The following DPF3 variants were observed in gnomAD, a reference collection of about 807,000 sequenced individuals.
DPF3 encodes the protein zinc finger protein DPF3.
In DPF3, 18 loss-of-function variants were observed where a neutral mutation model predicts 56.8. The observed-to-expected ratio is 0.32, with a 90% CI of 0.22 to 0.47. The LOEUF (loss-of-function observed/expected upper bound fraction) is 0.47. Ranked by LOEUF, DPF3 falls within the 20% of genes least tolerant of loss-of-function variation. DPF3 has a pLI of 1.00. For synonymous variants in DPF3, 188 were observed against 180.2 expected (o/e 1.04, Z -0.35); for missense variants, 403 against 488.8 (o/e 0.82, Z 1.65).
intron 1 of DPF3, among the ~76,000 whole-genome samples, chr14:72,862,196 A>C (rs1599504403): frequency 6.6e-6 from 1 of 152,142 alleles, no homozygotes; most frequent in South Asian, 2.1e-4. Context: ...CCCACTGGAC[A>C]GTTCCCTAAC....
chr14:72,862,974 T>C (rs1885495196), intron 1 of DPF3, among the ~76,000 whole-genome samples: 1 of 151,792 alleles, frequency 6.6e-6, no homozygotes, highest in Non-Finnish European at 1.5e-5. Flanking sequence ...TGAATTAAAT[T>C]AATCCTAGGA....
intron 8 of DPF3, among the ~76,000 whole-genome samples, chr14:72,665,791 A>C (rs1203543392): frequency 6.6e-6 from 1 of 152,206 alleles, no homozygotes; most frequent in Non-Finnish European, 1.5e-5. Flanking sequence ...CATCGATGTG[A>C]ATTTCCTGAT....
At chr14:72,622,402 T>A (rs1375136079) in intron 9 of DPF3, among the ~76,000 whole-genome samples, 1 of 152,126 alleles carries the variant, frequency 6.6e-6, no homozygotes, top group African/African-American at 2.4e-5. Flanking sequence ...AGAGCCAGCA[T>A]AAGCTACAGG....
chr14:72,706,703 T>A (rs1217786906), intron 6 of DPF3, among the ~76,000 whole-genome samples: 1 of 152,136 alleles, frequency 6.6e-6, no homozygotes, highest in East Asian at 1.9e-4. Flanking sequence ...CTCCCCACCA[T>A]GACTCAAAAT....
chr14:72,809,731 A>G (rs1882953748), intron 1 of DPF3, among the ~76,000 whole-genome samples: 1 of 152,148 alleles, frequency 6.6e-6, no homozygotes, highest in African/African-American at 2.4e-5. Flanking sequence ...ATGATTCCAT[A>G]GATCAGGAGG....
At chr14:72,692,096 C>T (rs1023566158) in intron 7 of DPF3, among the ~76,000 whole-genome samples, 1 of 152,206 alleles carries the variant, frequency 6.6e-6, no homozygotes, top group Non-Finnish European at 1.5e-5. Flanking sequence ...GGCCAGTGGA[C>T]ATCAGTTGAC....
intron 1 of DPF3, among the ~76,000 whole-genome samples, chr14:72,887,582 G>A (rs1351761021): frequency 6.6e-6 from 1 of 152,230 alleles, no homozygotes; most frequent in East Asian, 1.9e-4. Context: ...GCCCCTAGCT[G>A]TCCTCTCTGT....
At position 72,705,578 on chromosome 14, in the gene DPF3, CT is replaced by C. The variant is rs371301032; in HGVS notation, c.604+8844del. On this transcript the variant is annotated intron_variant, in intron 6 of 10. Transcript: ENST00000556509. ...ACTTGGGTACTGTGGCTCTAAGCAC[CT>C]CAGCCTGATGTTCCCAGCAACCCTG... 7.5e-4 allele frequency among the ~76,000 whole-genome samples: 114 copies of C among 152,258 alleles called. 1 individual carries two copies. The highest frequency in any genetic ancestry group is 2.6e-3 in the African/African-American group (108 of 41,544).
At position 72,889,985 on chromosome 14, in the gene DPF3, TTAA is replaced by T. The variant is rs577956335; in HGVS notation, c.32+4069_32+4071del. Among the ~76,000 whole-genome samples, 33 of 152,316 alleles carry T rather than the reference TTAA, an allele frequency of 2.2e-4. No homozygotes were observed. In the East Asian group the frequency reaches 4.2e-3, roughly 20 times the overall value. ...AAAGCCCTGTTGGTTCATATGGAAT[TTAA>T]TAATAATAATTTTTTTCTAAGTAGG... On this transcript the variant is annotated intron_variant, in intron 1 of 10. Transcript: ENST00000556509.
chr14:72,692,764 GAA>G (rs1179650522), intron 7 of DPF3, among the ~76,000 whole-genome samples: 1 of 152,190 alleles, frequency 6.6e-6, no homozygotes, highest in East Asian at 1.9e-4. Flanking sequence ...AGGAGTGAGG[GAA>G]AAGAGTTGTA....
Position 72,723,635 on chromosome 14 carries a change from G to C in DPF3, c.523C>G (p.Arg175Gly). Reference protein sequence around the residue: ...IPKRKNRTRGRARGSAGGRRR... With the variant: ...IPKRKNRTRGGARGSAGGRRR... ...CGCTCATGTCATCCCCAACTTACCC[G>C]TCCTCTAGTCCTGTTCTTTCGCTTG... Residue 175 changes from arginine (R) to glycine (G), a missense_variant and splice_region_variant, in exon 5 of 11, where the codon CGG becomes GGG. This residue lies in a region of DPF3 where 340 missense variants were observed against 374.3 expected (regional missense o/e 0.91). Coordinates refer to ENST00000556509, the MANE Select transcript of DPF3 (RefSeq NM_001280542.3). 1 of 1,561,820 alleles carries C rather than the reference G, an allele frequency of 6.4e-7. No homozygotes were observed. The highest frequency in any genetic ancestry group is 8.6e-7 in the Non-Finnish European group (1 of 1,162,942).
intron 8 of DPF3, among the ~76,000 whole-genome samples, chr14:72,667,646 T>A (rs552133625): frequency 6.6e-6 from 1 of 152,338 alleles, no homozygotes; most frequent in African/African-American, 2.4e-5. Context: ...TTGTACATTG[T>A]CTAGAAGTGA....
chr14:72,854,459 A>C (rs1048843538), intron 1 of DPF3, among the ~76,000 whole-genome samples: 1 of 152,218 alleles, frequency 6.6e-6, no homozygotes, highest in Non-Finnish European at 1.5e-5. Context: ...GTATTTGTTT[A>C]GAGAATATTT....
At chr14:72,624,110 C>A (rs1884648424) in intron 9 of DPF3, among the ~76,000 whole-genome samples, 1 of 151,976 alleles carries the variant, frequency 6.6e-6, no homozygotes, top group Non-Finnish European at 1.5e-5. Context: ...TCAGAAGATG[C>A]TAGAGAAACA....
chr14:72,674,270 G>A lies in DPF3; in HGVS notation c.841C>T (p.Leu281=). The A allele has an allele frequency of 6.2e-7, 1 of 1,612,756 alleles. No individual in the cohort carries two copies. Among genetic ancestry groups the A allele is most frequent in the Non-Finnish European group, 8.5e-7 (1 of 1,179,512 alleles). ...CGTCCACAGTCTGCGCAGGACACCAGCTCTTCAGGCCGCCCACTCTTCTTG... is the reference window on the plus strand; with the variant it reads ...CGTCCACAGTCTGCGCAGGACACCAACTCTTCAGGCCGCCCACTCTTCTTG... ...MNKKSGRPEE[L]VSCADCGRSG... is the part of the protein sequence containing the mutation. The change falls in exon 8 of 11, where the codon CTG becomes TTG. Residue 281 remains leucine (L), a synonymous_variant. Transcript: ENST00000556509.
chr14:72,639,019 G>A lies in DPF3; in HGVS notation c.872-9283C>T, dbSNP rs577026181. 9.2e-5 allele frequency among the ~76,000 whole-genome samples: 14 copies of A among 152,080 alleles called. No individual in the cohort carries two copies. In the South Asian group the frequency reaches 1.3e-3, roughly 14 times the overall value. Reference sequence around the variant, plus strand: ...TTTTTAGTAGAGACGGGGTTTCACCGTGTTAGCCAGGATGGTCTCGATCTC... The same window carrying A: ...TTTTTAGTAGAGACGGGGTTTCACCATGTTAGCCAGGATGGTCTCGATCTC... On this transcript the variant is annotated intron_variant, in intron 8 of 10. Coordinates refer to ENST00000556509, the MANE Select transcript of DPF3 (RefSeq NM_001280542.3).
intron 1 of DPF3, among the ~76,000 whole-genome samples, chr14:72,812,232 T>C (rs1480782795): frequency 1.3e-5 from 2 of 151,744 alleles, no homozygotes; most frequent in South Asian, 4.2e-4. Context: ...CTTTTTCCCA[T>C]CCCCACCCCC....
intron 1 of DPF3, among the ~76,000 whole-genome samples, chr14:72,804,229 A>T (rs894509766): frequency 1.1e-4 from 17 of 150,834 alleles, no homozygotes; most frequent in Non-Finnish European, 2.4e-4. Context: ...ACACACGCAG[A>T]CAAAGATTCC....
chr14:72,672,857 T>G (rs898880656), intron 8 of DPF3, among the ~76,000 whole-genome samples: 2 of 152,160 alleles, frequency 1.3e-5, no homozygotes, highest in African/African-American at 2.4e-5. Flanking sequence ...CTTCTGGAAG[T>G]AGAGATTTCA....
Sources: gnomAD v4.1 joint callset for allele counts (sites outside exome capture counted in the v4.1 genomes callset) on GRCh38, gnomAD v4.1.1 for gene constraint, gnomAD v4.1.1 regional missense constraint, MANE v1.5 for transcripts, NCBI Gene and HGNC (gene_info 2026-07-23, HGNC 2026-07-21) for gene names.